Variants in KLHL4 observed in about 807,000 individuals in gnomAD.
KLHL4 encodes kelch-like protein 4.
Under a neutral mutation model 45.8 loss-of-function variants are expected in KLHL4, and 17 were observed. The ratio of observed to expected loss-of-function variants is 0.37; its 90% CI spans 0.25 to 0.56. The LOEUF is 0.56. KLHL4 is among the 20% of genes least tolerant of loss of function. The pLI is 0.79. For missense variants in KLHL4, 544 were observed against 544.9 expected, an observed-to-expected ratio of 1.00 and a Z score of 0.02; for synonymous variants, 224 against 189.9, an observed-to-expected ratio of 1.18 and a Z score of -1.47.
At chrX:87,524,565 TACCTG>T (rs1447718211) in intron 1 of KLHL4, among the ~76,000 whole-genome samples, 1 of 110,886 alleles carries the variant, frequency 9.0e-6, no homozygotes, top group East Asian at 2.9e-4. Context: ...TTCTACAAAA[TACCTG>T]GTCTATACTC....
intron 1 of KLHL4, among the ~76,000 whole-genome samples, chrX:87,548,596 A>T (rs1931734384): frequency 9.0e-6 from 1 of 111,477 alleles, no homozygotes; most frequent in Admixed American, 9.6e-5. Flanking sequence ...ATAAGATATA[A>T]ATAGAAACAA....
chrX:87,650,372 A>G (rs1056009682), intron 9 of KLHL4, among the ~76,000 whole-genome samples: 1 of 112,144 alleles, frequency 8.9e-6, no homozygotes. Context: ...TGCTAGGATT[A>G]CAGGCGTGAG....
Position 87,669,543 on chromosome X carries a change from GATTTT to G in KLHL4, c.*3016_*3020del. Reference sequence around the variant, plus strand: ...TAGAAAAAAAAACCCTGTGACTCTGGATTTTATTTTAAGTTCTCTAACAAGACTCC... The same window carrying G: ...TAGAAAAAAAAACCCTGTGACTCTGGATTTTAAGTTCTCTAACAAGACTCC... On this transcript the variant is annotated 3_prime_UTR_variant, in exon 11 of 11. Coordinates refer to ENST00000373119, the MANE Select transcript of KLHL4 (RefSeq NM_019117.5). 2 of 650,970 alleles carry G rather than the reference GATTTT, an allele frequency of 3.1e-6. No homozygotes were observed. The highest frequency in any genetic ancestry group is 4.3e-6 in the Non-Finnish European group (2 of 468,192). The allele number at this position is 650,970 out of a possible 1,213,427, so 53.6% of individuals were successfully genotyped here.
chrX:87,666,680 T>C lies in KLHL4; in HGVS notation c.*146T>C, dbSNP rs2147845984. ...GTATCATTTTAATTTGTAGTTACAA[T>C]TGCTTTCATTCGTGAAGCCGAAACG... On this transcript the variant is annotated 3_prime_UTR_variant, in exon 11 of 11. Transcript: ENST00000373119. The C allele has an allele frequency of 1.0e-6, 1 of 990,050 alleles. No homozygotes were observed. The highest frequency in any genetic ancestry group is 1.3e-6 in the Non-Finnish European group (1 of 784,038). The allele number at this position is 990,050 out of a possible 1,213,427, so 81.6% of individuals were successfully genotyped here. A position where few individuals can be genotyped will look rare whatever the true frequency, so the allele number is the denominator to read the frequency against.
chrX:87,544,247 G>A (rs994785600), intron 1 of KLHL4, among the ~76,000 whole-genome samples: 4 of 111,450 alleles, frequency 3.6e-5, no homozygotes, highest in Non-Finnish European at 7.5e-5. Flanking sequence ...TTTGGAAAGG[G>A]GAGGGAAGAG....
In KLHL4 at chrX:87,669,266, A is replaced by C. The variant is rs1924483990; in HGVS notation, c.*2732A>C. On this transcript the variant is annotated 3_prime_UTR_variant, in exon 11 of 11. Transcript: ENST00000373119. Reference sequence around the variant, plus strand: ...CCGTGTTCACGATTCCCTACTCTGCAACTCTCAGCATGCATCATGATGATT... The same window carrying C: ...CCGTGTTCACGATTCCCTACTCTGCCACTCTCAGCATGCATCATGATGATT... The C allele has an allele frequency of 4.2e-6, 5 of 1,190,579 alleles. No homozygotes were observed. Among genetic ancestry groups the C allele is most frequent in the East Asian group, 6.0e-5 (2 of 33,331 alleles).
At chrX:87,556,763 A>T (rs937731942) in intron 1 of KLHL4, among the ~76,000 whole-genome samples, 6 of 96,426 alleles carry the variant, frequency 6.2e-5, no homozygotes, top group Non-Finnish European at 1.2e-4. Context: ...AGATTCTGAG[A>T]AAGTGCTACC....
At chrX:87,645,915 G>A (rs747310979) in intron 9 of KLHL4, among the ~76,000 whole-genome samples, 2 of 111,019 alleles carry the variant, frequency 1.8e-5, no homozygotes, top group South Asian at 7.6e-4. Context: ...AGAGTAGGAG[G>A]TAGCCAGGGA....
Position 87,611,937 on chromosome X carries a change from G to C in KLHL4, c.423-1940G>C, listed in dbSNP as rs187162078. On this transcript the variant is annotated intron_variant, in intron 1 of 10. Transcript: ENST00000373119. ...ATATGTTTGTGTAACAATTAGCATA[G>C]AGTTTAACAGCTAAAAAAATTAAAA... is the stretch of plus-strand genomic sequence containing the variant. Among the ~76,000 whole-genome samples the C allele has an allele frequency of 1.5e-3, 168 of 111,179 alleles. 1 individual carries two copies. Among genetic ancestry groups the C allele is most frequent in the African/African-American group, 5.2e-3 (160 of 30,577 alleles).
At chrX:87,646,897 A>G (rs1375796831) in intron 9 of KLHL4, among the ~76,000 whole-genome samples, 7 of 111,435 alleles carry the variant, frequency 6.3e-5, no homozygotes, top group Non-Finnish European at 1.3e-4. Context: ...AGATAAATAG[A>G]TGGGACTTAA....
chrX:87,635,086 C>A (rs958826132), intron 8 of KLHL4, among the ~76,000 whole-genome samples: 14 of 111,737 alleles, frequency 1.3e-4, no homozygotes, highest in African/African-American at 4.6e-4. Flanking sequence ...ATCCTCTTTC[C>A]TTAGTTGTTT....
intron 4 of KLHL4, among the ~76,000 whole-genome samples, chrX:87,621,734 C>G (rs2147818022): frequency 9.0e-6 from 1 of 111,351 alleles, no homozygotes; most frequent in African/African-American, 3.3e-5. Context: ...ATTCTTTTTT[C>G]TTATCTCCAA....
At chrX:87,539,826 C>T (rs1294940724) in intron 1 of KLHL4, among the ~76,000 whole-genome samples, 4 of 111,171 alleles carry the variant, frequency 3.6e-5, no homozygotes, top group Non-Finnish European at 7.6e-5. Context: ...CTATGAAGAG[C>T]CATTTTCTTA....
chrX:87,641,977 G>T (rs577799569), intron 9 of KLHL4, among the ~76,000 whole-genome samples: 2 of 95,255 alleles, frequency 2.1e-5, no homozygotes, highest in Admixed American at 2.6e-4. Flanking sequence ...AGAAGACAAA[G>T]GGCATATAAT....
intron 9 of KLHL4, among the ~76,000 whole-genome samples, chrX:87,659,883 G>A (rs953797749): frequency 7.2e-5 from 8 of 110,838 alleles, no homozygotes; most frequent in African/African-American, 2.3e-4. Context: ...CCTGAGGTCA[G>A]CTCAGTATAA....
chrX:87,555,834 C>G (rs1331973281), intron 1 of KLHL4, among the ~76,000 whole-genome samples: 2 of 109,848 alleles, frequency 1.8e-5, no homozygotes, highest in Non-Finnish European at 3.8e-5. Flanking sequence ...TGGATCTTTC[C>G]TGCTTTCTCT....
At chrX:87,646,313 T>C (rs1443577891) in intron 9 of KLHL4, among the ~76,000 whole-genome samples, 1 of 111,680 alleles carries the variant, frequency 9.0e-6, no homozygotes, top group African/African-American at 3.3e-5. Context: ...ATCATGACCA[T>C]ACTGCCAAAA....
chrX:87,588,497 C>T (rs1921552072), intron 1 of KLHL4, among the ~76,000 whole-genome samples: 1 of 110,881 alleles, frequency 9.0e-6, no homozygotes. Context: ...GTCCACACAC[C>T]TACAGTGAAC....
intron 1 of KLHL4, among the ~76,000 whole-genome samples, chrX:87,526,248 T>A (rs1351484799): frequency 8.9e-6 from 1 of 112,354 alleles, no homozygotes; most frequent in Admixed American, 9.5e-5. Context: ...GTCTGAAGTA[T>A]GTTGCAACGT....
Sources: gnomAD v4.1 joint callset for allele counts (sites outside exome capture counted in the v4.1 genomes callset) on GRCh38, gnomAD v4.1.1 for gene constraint, MANE v1.5 for transcripts, NCBI Gene and HGNC (gene_info 2026-07-23, HGNC 2026-07-21) for gene names.